CCDC178: variants seen among roughly 807,000 people sequenced by gnomAD.
CCDC178 encodes coiled-coil domain containing 178, also known as coiled-coil domain-containing protein 178.
Under a neutral mutation model 117.4 loss-of-function variants are expected in CCDC178, and 126 were observed. The ratio of observed to expected loss-of-function variants is 1.07; its 90% CI spans 0.93 to 1.24. The LOEUF (loss-of-function observed/expected upper bound fraction) is 1.24, where lower values mean the gene tolerates loss of function less well. Among genes scored for constraint, CCDC178 ranks in the 50% most tolerant of loss-of-function variants. The probability of loss-of-function intolerance (pLI) is 0.00; values close to 1 mark genes in which losing one functional copy is unlikely to be tolerated. For synonymous variants in CCDC178, 283 were observed against 313.4 expected (o/e 0.90, Z 1.02); for missense variants, 1,030 against 986.9 (o/e 1.04, Z -0.59).
At chr18:33,428,597 TG>T (rs1396287858) in intron 2 of CCDC178, among the ~76,000 whole-genome samples, 4 of 151,726 alleles carry the variant, frequency 2.6e-5, no homozygotes, top group African/African-American at 9.7e-5. Context: ...CTGGGCATGG[TG>T]GTGCACGCCT....
intron 19 of CCDC178, among the ~76,000 whole-genome samples, chr18:33,213,833 C>A (rs2059134641): frequency 6.6e-6 from 1 of 151,820 alleles, no homozygotes; most frequent in African/African-American, 2.4e-5. Context: ...TTTTTAACAC[C>A]ATATTTTAAT....
At position 33,267,013 on chromosome 18, in the gene CCDC178, C is replaced by G. The variant is rs2059825462; in HGVS notation, c.1312G>C (p.Asp438His). The G allele has an allele frequency of 6.3e-7, 1 of 1,599,882 alleles. No homozygotes were observed. The highest frequency in any genetic ancestry group is 1.8e-5 in the Admixed American group (1 of 56,408). ...CATGCCAAAGAAATAGCTGAAAAAT[C>G]TTTTGCAACATCAGAAAGCTCAATA... Reference protein sequence around the residue: ...WDIELSDVAKDFSAISLACTK... With the variant: ...WDIELSDVAKHFSAISLACTK... The change falls in exon 14 of 23, where the codon GAT (aspartate) becomes CAT (histidine). Residue 438 changes from aspartate to histidine, a missense_variant. By Grantham distance (81) the Asp-to-His change is moderately conservative. Transcript: ENST00000383096.
At chr18:33,331,896 G>A (rs1338083501) in intron 10 of CCDC178, among the ~76,000 whole-genome samples, 1 of 152,156 alleles carries the variant, frequency 6.6e-6, no homozygotes, top group Non-Finnish European at 1.5e-5. Context: ...AAATTCACAT[G>A]CAGATACAGA....
At chr18:33,168,744 A>G (rs1261685577) in intron 20 of CCDC178, among the ~76,000 whole-genome samples, 1 of 152,230 alleles carries the variant, frequency 6.6e-6, no homozygotes, top group Non-Finnish European at 1.5e-5. Context: ...GTAAATGATT[A>G]GAATGCAGAG....
intron 20 of CCDC178, among the ~76,000 whole-genome samples, chr18:33,197,658 T>G (rs926424491): frequency 1.3e-5 from 2 of 151,766 alleles, no homozygotes; most frequent in Admixed American, 1.3e-4. Flanking sequence ...GCTCGAACCC[T>G]GAAAGATCAA....
At chr18:33,123,904 C>T (rs1385018211) in intron 20 of CCDC178, among the ~76,000 whole-genome samples, 1 of 152,118 alleles carries the variant, frequency 6.6e-6, no homozygotes, top group Non-Finnish European at 1.5e-5. Context: ...ATCTTAATGT[C>T]GTATTCAAAC....
At chr18:33,147,540 G>C (rs1001392715) in intron 20 of CCDC178, among the ~76,000 whole-genome samples, 1 of 151,316 alleles carries the variant, frequency 6.6e-6, no homozygotes, top group Non-Finnish European at 1.5e-5. Context: ...TTGTGTCCCT[G>C]GGTACTTGAG....
intron 11 of CCDC178, among the ~76,000 whole-genome samples, chr18:33,301,907 T>G (rs9953311): frequency 0.91 from 138,938 of 152,198 alleles, 63,529 homozygotes; most frequent in East Asian, 1. Flanking sequence ...CCATGTGAGG[T>G]GGACATGAGA....
At chr18:32,965,952 A>G (rs2054804220) in intron 22 of CCDC178, among the ~76,000 whole-genome samples, 1 of 148,936 alleles carries the variant, frequency 6.7e-6, no homozygotes, top group Admixed American at 6.7e-5. Flanking sequence ...ATAAAAATAT[A>G]TAAGATATAT....
chr18:33,392,840 C>T (rs990043020), intron 4 of CCDC178, among the ~76,000 whole-genome samples: 1 of 152,084 alleles, frequency 6.6e-6, no homozygotes, highest in South Asian at 2.1e-4. Flanking sequence ...CAAAGTAAAA[C>T]CCTCTCTCTA....
rs141035613 is a variant in CCDC178, at chr18:33,031,722, G to C, written c.2389-57041C>G. Among the ~76,000 whole-genome samples the C allele has an allele frequency of 8.6e-5, 13 of 151,780 alleles. No homozygotes were observed. The East Asian group carries it at 2.3e-3, about 27-fold the overall frequency. Reference sequence around the variant, plus strand: ...TGGCAAATATGTTATAATGATTCAAGTCCTAGACATATATGCAACATAAAT... The same window carrying C: ...TGGCAAATATGTTATAATGATTCAACTCCTAGACATATATGCAACATAAAT... On this transcript the variant is annotated intron_variant, in intron 21 of 22. Transcript: ENST00000383096.
intron 6 of CCDC178, among the ~76,000 whole-genome samples, chr18:33,364,996 G>A (rs2063182032): frequency 6.6e-6 from 1 of 151,842 alleles, no homozygotes; most frequent in Non-Finnish European, 1.5e-5. Flanking sequence ...AGATATTTGG[G>A]GTTGGCATTT....
intron 14 of CCDC178, among the ~76,000 whole-genome samples, chr18:33,263,841 A>C (rs1053563899): frequency 6.6e-6 from 1 of 152,088 alleles, no homozygotes; most frequent in Non-Finnish European, 1.5e-5. Flanking sequence ...GCAATGATTA[A>C]CTCAACTTTA....
At chr18:33,130,301 G>A (rs569091183) in intron 20 of CCDC178, among the ~76,000 whole-genome samples, 10 of 151,984 alleles carry the variant, frequency 6.6e-5, no homozygotes, top group South Asian at 6.2e-4. Flanking sequence ...CATTTTCTTA[G>A]AATACTATTA....
At chr18:33,015,567 A>AAACAACAAC (rs1326558089) in intron 21 of CCDC178, among the ~76,000 whole-genome samples, 1 of 150,044 alleles carries the variant, frequency 6.7e-6, no homozygotes, top group African/African-American at 2.5e-5. Flanking sequence ...TCCGTCTCAA[A>AAACAACAAC]AACAACAACA....
Position 33,136,532 on chromosome 18 carries a change from A to G in CCDC178, c.2239-43622T>C, listed in dbSNP as rs139616262. On this transcript the variant is annotated intron_variant, in intron 20 of 22. Transcript: ENST00000383096. Reference sequence around the variant, plus strand: ...GGGAACAAGGGTCAATATTGGACTTAGCAATAGAGCAACAGGGACCCTAGG... The same window carrying G: ...GGGAACAAGGGTCAATATTGGACTTGGCAATAGAGCAACAGGGACCCTAGG... Among the ~76,000 whole-genome samples, 346 of 152,302 alleles carry G rather than the reference A, an allele frequency of 2.3e-3. 1 individual carries two copies. The highest frequency in any genetic ancestry group is 7.8e-3 in the African/African-American group (325 of 41,582).
intron 21 of CCDC178, among the ~76,000 whole-genome samples, chr18:32,998,235 T>C (rs1319995146): frequency 1.3e-5 from 2 of 152,146 alleles, no homozygotes; most frequent in East Asian, 3.8e-4. Context: ...AGGAATGCAA[T>C]ACTGGGAAAG....
rs78495590 is a variant in CCDC178, at chr18:33,425,636, C to T, written c.-22-13526G>A. On this transcript the variant is annotated intron_variant, in intron 2 of 22. Coordinates refer to ENST00000383096, the MANE Select transcript of CCDC178 (RefSeq NM_001105528.4). ...TTAGACCAGGTGTCTGTATCTGATC[C>T]AATCAATTGTTGCTGGGAAGTCAGG... 9.9e-3 allele frequency among the ~76,000 whole-genome samples: 1,512 copies of T among 152,198 alleles called. 32 individuals carry two copies. The highest frequency in any genetic ancestry group is 0.035 in the African/African-American group (1,440 of 41,518).
At chr18:33,252,967 T>C (rs1189026016) in intron 14 of CCDC178, among the ~76,000 whole-genome samples, 4 of 151,830 alleles carry the variant, frequency 2.6e-5, no homozygotes, top group Admixed American at 2.0e-4. Context: ...TCTAAGTTAA[T>C]CAATTTCAAA....
Sources: allele counts gnomAD v4.1 joint callset (sites outside exome capture counted in the v4.1 genomes callset), GRCh38; gene constraint gnomAD v4.1.1; transcripts MANE v1.5; gene names NCBI Gene and HGNC (gene_info 2026-07-23, HGNC 2026-07-21).